Variants in DVL1 observed in about 807,000 individuals in gnomAD.
DVL1 encodes dishevelled segment polarity protein 1.
Under a neutral mutation model 65.0 loss-of-function variants are expected in DVL1, and 49 were observed. That is an observed-to-expected ratio of 0.75 (90% confidence interval 0.60 to 0.96). The LOEUF is 0.96. Ranked by LOEUF, DVL1 falls within the 40% of genes least tolerant of loss-of-function variation. The probability of loss-of-function intolerance (pLI) is 0.00; values close to 1 mark genes in which losing one functional copy is unlikely to be tolerated. For missense variants in DVL1, 1,197 were observed against 1,045.4 expected (o/e 1.15, Z -2.00); for synonymous variants, 608 against 433.9 (o/e 1.40, Z -4.99).
At chr1:1,338,791 C>A in intron 11 of DVL1, 138 bp from the exon 12 acceptor site, 1 of 1,366,238 alleles carries the variant, frequency 7.3e-7, no homozygotes, top group Non-Finnish European at 9.7e-7. Flanking sequence ...AGGGCCCCGG[C>A]CCACTGCAGG....
intron 1 of DVL1, among the ~76,000 whole-genome samples, 187 bp downstream of exon 1, chr1:1,348,709 C>G (rs1310672970): frequency 6.6e-6 from 1 of 152,112 alleles, no homozygotes; most frequent in East Asian, 1.9e-4. Context: ...TCGCCCCGCT[C>G]CACGGACAGG....
In DVL1 at chr1:1,339,664, G is replaced by C. The variant is rs767910136; in HGVS notation, c.987-15C>G. The stretch of plus-strand genomic sequence containing the variant: ...GGCTGATGGGCCTGCAGGAACGGTG[G>C]TCACACAGCAAGGCCCCCATGGTCC... On this transcript the variant is annotated splice_polypyrimidine_tract_variant and intron_variant, in intron 9 of 14. Transcript: ENST00000378888. The C allele has an allele frequency of 6.2e-7, 1 of 1,611,786 alleles. No homozygotes were observed. The highest frequency in any genetic ancestry group is 1.1e-5 in the South Asian group (1 of 91,026).
At position 1,338,080 on chromosome 1, in the gene DVL1, G is replaced by T. The variant is rs767693311; in HGVS notation, c.1611C>A (p.Gly537=). Residue 537 remains glycine (G), a synonymous_variant, in exon 14 of 15, where the codon GGC becomes GGA. Transcript: ENST00000378888. ...HPAAPWPLGQ[G]YPYQYPGPPP... ...GGGGTCCCGGGTACTGGTAGGGGTA[G>T]CCCTGACCCAGAGGCCAGGGGGCAG... The T allele has an allele frequency of 3.2e-5, 52 of 1,610,452 alleles. No homozygotes were observed. Among genetic ancestry groups the T allele is most frequent in the Non-Finnish European group, 4.2e-5 (50 of 1,179,014 alleles).
chr1:1,341,809 TG>T lies in DVL1; in HGVS notation c.467-5del. On this transcript the variant is annotated splice_region_variant and splice_polypyrimidine_tract_variant and intron_variant, in intron 4 of 14. Coordinates refer to ENST00000378888, the MANE Select transcript of DVL1 (RefSeq NM_001330311.2). ...GGGTGCCCATTGGTCCGGGCGGCTG[TG>T]GGGGCAGCAGGTTGGGAACTGACTG... 1 of 1,574,638 alleles carries T rather than the reference TG, an allele frequency of 6.4e-7. No individual in the cohort carries two copies. Among genetic ancestry groups the T allele is most frequent in the Admixed American group, 1.8e-5 (1 of 56,520 alleles).
rs759098275 is a variant in DVL1 at position 1,342,351 on chromosome 1, C to A, written c.362+12G>T. Reference sequence around the variant, plus strand: ...TTGGGGTAGCAGGGCCCAGCGCCCACGGTGTCCTTACTGGAAGGAGGGGGG... The same window carrying A: ...TTGGGGTAGCAGGGCCCAGCGCCCAAGGTGTCCTTACTGGAAGGAGGGGGG... On this transcript the variant is annotated intron_variant, in intron 3 of 14. Coordinates refer to ENST00000378888, the MANE Select transcript of DVL1 (RefSeq NM_001330311.2). The A allele has an allele frequency of 8.9e-6, 14 of 1,565,214 alleles. No homozygotes were observed. The South Asian group carries it at 1.4e-4, about 16-fold the overall frequency.
chr1:1,339,805 T>C lies in DVL1; in HGVS notation c.917A>G (p.Asp306Gly), dbSNP rs1643722975. 6.2e-7 allele frequency: 1 copy of C among 1,610,074 alleles called. No homozygotes were observed. The change falls in exon 9 of 15, where the codon GAC (aspartate) becomes GGC (glycine). Residue 306 changes from aspartate to glycine, a missense_variant. Coordinates refer to ENST00000378888, the MANE Select transcript of DVL1 (RefSeq NM_001330311.2). ...EPGDMLLQVN[D>G]VNFENMSNDD... ...ATTGCTCATGTTCTCAAAGTTCACG[T>C]CATTCACCTGCAGGGGTGGGGATTA...
intron 1 of DVL1, among the ~76,000 whole-genome samples, chr1:1,346,955 G>A (rs1643923512): frequency 6.6e-6 from 1 of 152,198 alleles, no homozygotes; most frequent in South Asian, 2.1e-4. Flanking sequence ...TCCCACGGGG[G>A]TTCTATTCCA....
At chr1:1,346,877 T>G (rs371032712) in intron 1 of DVL1, among the ~76,000 whole-genome samples, 7 of 152,168 alleles carry the variant, frequency 4.6e-5, no homozygotes, top group African/African-American at 1.7e-4. Context: ...CTACATTCGC[T>G]TGGCATCCAG....
At chr1:1,344,291 G>A (rs1156865739) in intron 1 of DVL1, among the ~76,000 whole-genome samples, 2 of 152,198 alleles carry the variant, frequency 1.3e-5, no homozygotes, top group African/African-American at 2.4e-5. Flanking sequence ...GGCAGGAAGC[G>A]GCCTTGTGGC....
chr1:1,347,379 C>T (rs921185465), intron 1 of DVL1, among the ~76,000 whole-genome samples: 2 of 152,180 alleles, frequency 1.3e-5, no homozygotes, highest in African/African-American at 4.8e-5. Context: ...CAAATGTGCC[C>T]AGCAGGTGCA....
chr1:1,341,311 C>T (rs1643817006), intron 5 of DVL1, among the ~76,000 whole-genome samples: 1 of 152,088 alleles, frequency 6.6e-6, no homozygotes, highest in Admixed American at 6.6e-5. Context: ...TACATGCACA[C>T]ACAGACATGC....
chr1:1,336,019 GTCCAGCCTGCCCC>G lies in DVL1; in HGVS notation c.*110_*122del, dbSNP rs1196142158. On this transcript the variant is annotated 3_prime_UTR_variant, in exon 15 of 15. Coordinates refer to ENST00000378888, the MANE Select transcript of DVL1 (RefSeq NM_001330311.2). ...CAGGCTGCCAGGGCAGATGGTGGTG[GTCCAGCCTGCCCC>G]CCACCCTGCCTCCCGTCCTGGCCCC... 3.7e-6 allele frequency: 5 copies of G among 1,335,288 alleles called. No homozygotes were observed. Among genetic ancestry groups the G allele is most frequent in the Non-Finnish European group, 5.1e-6 (5 of 988,788 alleles). The allele number at this position is 1,335,288 out of a possible 1,614,324, so 82.7% of individuals were successfully genotyped here. A position where few individuals can be genotyped will look rare whatever the true frequency, so the allele number is the denominator to read the frequency against.
rs796702211 is a variant in DVL1 at position 1,348,737 on chromosome 1, C to T, written c.170+159G>A. Among the ~76,000 whole-genome samples the T allele has an allele frequency of 5.9e-5, 9 of 151,998 alleles. No individual in the cohort carries two copies. The East Asian group carries it at 9.7e-4, about 16-fold the overall frequency. ...CGGACAGGTGGGCGCGCGCCGCACA[C>T]GGGCCGAGGCCGCCACCCGCGCCGC... On this transcript the variant is annotated intron_variant, in intron 1 of 14. Transcript: ENST00000378888.
chr1:1,341,527 C>A lies in DVL1; in HGVS notation c.605+140G>T. 5.1e-6 allele frequency: 6 copies of A among 1,184,780 alleles called. No individual in the cohort carries two copies. The Middle Eastern group carries it at 8.0e-4, about 158-fold the overall frequency. 73.4% of individuals were successfully genotyped at this position (1,184,780 alleles called of 1,614,324 possible). On this transcript the variant is annotated intron_variant, in intron 5 of 14. Transcript: ENST00000378888. ...CACAAGCACACGTGCATCATGTACA[C>A]AGACATTTGCAGGCACACACATGCA...
chr1:1,341,152 CATACACCTGTACAA>C (rs1298863321), intron 5 of DVL1, among the ~76,000 whole-genome samples: 4 of 150,548 alleles, frequency 2.7e-5, no homozygotes, highest in Non-Finnish European at 1.5e-5. Flanking sequence ...CACACCTTCA[CATACACCTGTACAA>C]GCACACCTGC....
chr1:1,341,375 T>C (rs530262730), intron 5 of DVL1, among the ~76,000 whole-genome samples: 1 of 152,138 alleles, frequency 6.6e-6, no homozygotes, highest in Admixed American at 6.5e-5. Flanking sequence ...ACATCCGCAA[T>C]GTGAAAACGC....
intron 2 of DVL1, 93 bp downstream of exon 2, chr1:1,342,596 A>G (rs1434202277): frequency 1.8e-5 from 29 of 1,578,258 alleles, no homozygotes; most frequent in Non-Finnish European, 2.1e-5. Context: ...CCAGCCTGCC[A>G]GGGCCTCCCC....
chr1:1,336,635 G>T (rs1434111181), intron 14 of DVL1, 120 bp from the exon 15 acceptor site: 2 of 1,324,838 alleles, frequency 1.5e-6, no homozygotes, highest in African/African-American at 3.1e-5. Flanking sequence ...CGGGTGGGTG[G>T]GGCAGCCATG....
At chr1:1,337,763 G>A (rs1346112843) in intron 14 of DVL1, 10 of 700,584 alleles carry the variant, frequency 1.4e-5, no homozygotes, top group South Asian at 4.5e-5. Context: ...CCTGGCACTT[G>A]CCTTTTCCAG....
Sources: gnomAD v4.1 joint callset for allele counts (sites outside exome capture counted in the v4.1 genomes callset) on GRCh38, gnomAD v4.1.1 for gene constraint, MANE v1.5 for transcripts, NCBI Gene and HGNC (gene_info 2026-07-23, HGNC 2026-07-21) for gene names.